The following PDZRN4 variants were observed in gnomAD, a reference collection of about 807,000 sequenced individuals.
The protein encoded by PDZRN4 is PDZ domain containing ring finger 4, also known as PDZ domain-containing RING finger protein 4.
Under a neutral mutation model 99.0 loss-of-function variants are expected in PDZRN4, and 70 were observed. That is an observed-to-expected ratio of 0.71 (90% CI 0.58 to 0.86). The LOEUF is 0.86. PDZRN4 is among the 40% of genes least tolerant of loss of function. PDZRN4 has a pLI of 0.00. For missense variants in PDZRN4, 1,474 were observed against 1,331.2 expected, an observed-to-expected ratio of 1.11 and a Z score of -1.67; for synonymous variants, 551 against 501.6, an observed-to-expected ratio of 1.10 and a Z score of -1.32.
intron 5 of PDZRN4, among the ~76,000 whole-genome samples, chr12:41,516,175 C>A (rs538004596): frequency 1.6e-3 from 245 of 152,188 alleles, no homozygotes; most frequent in African/African-American, 5.8e-3. Context: ...AACTCCCACA[C>A]CGCATTCTGT....
At chr12:41,479,076 T>A (rs1279899616) in intron 3 of PDZRN4, among the ~76,000 whole-genome samples, 2 of 152,186 alleles carry the variant, frequency 1.3e-5, no homozygotes, top group African/African-American at 2.4e-5. Flanking sequence ...ATGAAATCCA[T>A]CCAAATACTC....
At chr12:41,241,137 A>G (rs1951099296) in intron 3 of PDZRN4, among the ~76,000 whole-genome samples, 1 of 151,880 alleles carries the variant, frequency 6.6e-6, no homozygotes. Flanking sequence ...TTTTTTTAAT[A>G]TATTTTGGAA....
chr12:41,415,210 G>T (rs1381257959), intron 3 of PDZRN4, among the ~76,000 whole-genome samples: 2 of 151,918 alleles, frequency 1.3e-5, no homozygotes, highest in Non-Finnish European at 2.9e-5. Context: ...GTGCTGTTCG[G>T]TTAAGAGATG....
At chr12:41,325,325 G>C (rs1341078186) in intron 3 of PDZRN4, among the ~76,000 whole-genome samples, 1 of 152,068 alleles carries the variant, frequency 6.6e-6, no homozygotes, top group Non-Finnish European at 1.5e-5. Context: ...TGTTTAGATG[G>C]CATAATTTGC....
chr12:41,374,971 T>TTC (rs944188601), intron 3 of PDZRN4, among the ~76,000 whole-genome samples: 9 of 151,742 alleles, frequency 5.9e-5, no homozygotes, highest in Non-Finnish European at 1.2e-4. Context: ...CTCTCTCTCT[T>TTC]TCTCTCTCTC....
intron 3 of PDZRN4, among the ~76,000 whole-genome samples, chr12:41,431,799 C>T (rs1039413330): frequency 6.6e-6 from 1 of 152,160 alleles, no homozygotes; most frequent in South Asian, 2.1e-4. Flanking sequence ...GGAAAGGATG[C>T]TTGCTTACAC....
In PDZRN4 at chr12:41,192,181, A is replaced by G. The variant is rs1280228312; in HGVS notation, c.735+637A>G. The stretch of plus-strand genomic sequence containing the variant: ...AGTGCAGTAGCGTGATCTCAGCTCA[A>G]TGCAACCACTGCCTCTGGTTCAATT... On this transcript the variant is annotated intron_variant, in intron 2 of 9. Coordinates refer to ENST00000402685, the MANE Select transcript of PDZRN4 (RefSeq NM_001164595.2). Among the ~76,000 whole-genome samples the G allele has an allele frequency of 2.0e-5, 3 of 152,174 alleles. 1 individual carries two copies. Among genetic ancestry groups the G allele is most frequent in the South Asian group, 4.1e-4 (2 of 4,820 alleles).
rs764391518 is a variant in PDZRN4, at chr12:41,552,745, T to C, written c.1293T>C (p.Tyr431=). 9.9e-6 allele frequency: 16 copies of C among 1,613,090 alleles called. No individual in the cohort carries two copies. The highest frequency in any genetic ancestry group is 8.0e-5 in the African/African-American group (6 of 74,880). Residue 431 remains tyrosine (Y), a synonymous_variant, in exon 6 of 10, where the codon TAT becomes TAC. Coordinates refer to ENST00000402685, the MANE Select transcript of PDZRN4 (RefSeq NM_001164595.2). ...ATGATGAAGAAGACACCGGCATTTA[T>C]GTCAGCGAGGTAAGAAACGCCATGG... ...RTDDEEDTGI[Y]VSEVDPNSIA...
At chr12:41,511,057 A>C (rs1938296325) in intron 5 of PDZRN4, among the ~76,000 whole-genome samples, 1 of 152,116 alleles carries the variant, frequency 6.6e-6, no homozygotes. Context: ...ATGTAAAATA[A>C]ATTATAAAAT....
At chr12:41,474,875 A>G (rs959713789) in intron 3 of PDZRN4, among the ~76,000 whole-genome samples, 4 of 152,226 alleles carry the variant, frequency 2.6e-5, no homozygotes, top group African/African-American at 4.8e-5. Context: ...AGGATGCACA[A>G]TTGATTCTGA....
chr12:41,425,905 T>C (rs559993968), intron 3 of PDZRN4, among the ~76,000 whole-genome samples: 55 of 152,284 alleles, frequency 3.6e-4, no homozygotes, highest in African/African-American at 1.3e-3. Flanking sequence ...ATATGTGATT[T>C]CTCTTTTGAT....
At chr12:41,420,983 T>G (rs1008784331) in intron 3 of PDZRN4, among the ~76,000 whole-genome samples, 5 of 152,170 alleles carry the variant, frequency 3.3e-5, no homozygotes, top group African/African-American at 9.7e-5. Context: ...TTATTAATGA[T>G]GTAGCCTTTA....
At chr12:41,558,839 A>T (rs1039184010) in intron 7 of PDZRN4, among the ~76,000 whole-genome samples, 1 of 152,200 alleles carries the variant, frequency 6.6e-6, no homozygotes, top group Non-Finnish European at 1.5e-5. Context: ...ATGAAATTAT[A>T]TTAAGTAAAA....
intron 3 of PDZRN4, chr12:41,460,099 G>A: frequency 7.8e-7 from 1 of 1,279,866 alleles, no homozygotes. Context: ...TATATTTTCT[G>A]TCAGGGGATC....
At chr12:41,241,315 T>G (rs79496860) in intron 3 of PDZRN4, among the ~76,000 whole-genome samples, 1,788 of 152,320 alleles carry the variant, frequency 0.012, 59 homozygotes, top group East Asian at 0.11. Context: ...GATTAAGATC[T>G]GGAGCTATGA....
intron 3 of PDZRN4, among the ~76,000 whole-genome samples, chr12:41,317,010 T>C: frequency 8.4e-6 from 1 of 118,962 alleles, no homozygotes; most frequent in Non-Finnish European, 1.8e-5. Context: ...AAGGGGGTGT[T>C]ATATTAGAGT....
intron 3 of PDZRN4, among the ~76,000 whole-genome samples, chr12:41,224,836 A>C (rs1011632075): frequency 1.3e-5 from 2 of 152,176 alleles, no homozygotes; most frequent in Non-Finnish European, 2.9e-5. Flanking sequence ...GAACACTTTA[A>C]GATCAGTAGC....
At chr12:41,285,064 A>G (rs1401439893) in intron 3 of PDZRN4, among the ~76,000 whole-genome samples, 1 of 152,222 alleles carries the variant, frequency 6.6e-6, no homozygotes, top group Non-Finnish European at 1.5e-5. Context: ...ATCAGAGTGA[A>G]CAGGCAACCT....
intron 3 of PDZRN4, among the ~76,000 whole-genome samples, chr12:41,197,919 G>GTTTTTTTTTTTTTTTTTTTTTTTTTTTT (rs764851464): frequency 8.8e-6 from 1 of 113,464 alleles, no homozygotes; most frequent in Non-Finnish European, 1.8e-5. Context: ...GTTTTTTCTG[G>GTTTTTTTTTTTTTTTTTTTTTTTTTTTT]GTTTTTTTTT....
Sources: gnomAD v4.1 joint callset for allele counts (sites outside exome capture counted in the v4.1 genomes callset) on GRCh38, gnomAD v4.1.1 for gene constraint, MANE v1.5 for transcripts, NCBI Gene and HGNC (gene_info 2026-07-23, HGNC 2026-07-21) for gene names.